Variants in SLC26A5 observed in about 807,000 individuals in gnomAD.
The protein encoded by SLC26A5 is prestin.
A neutral mutation model predicts 81.0 loss-of-function variants in SLC26A5; 51 were observed. The ratio of observed to expected loss-of-function variants is 0.63; its 90% CI spans 0.50 to 0.80. SLC26A5 has a LOEUF of 0.80. Ranked by LOEUF, SLC26A5 falls within the 30% of genes least tolerant of loss-of-function variation. SLC26A5 has a pLI of 0.00. For synonymous variants in SLC26A5, 325 were observed against 332.8 expected (o/e 0.98, Z 0.25); for missense variants, 771 against 905.8 (o/e 0.85, Z 1.91).
intron 6 of SLC26A5, 70 bp downstream of exon 6, chr7:103,411,350 C>G (rs1228687009): frequency 6.3e-7 from 1 of 1,585,806 alleles, no homozygotes; most frequent in Non-Finnish European, 8.6e-7. Context: ...TAAGACCAGC[C>G]AAGAGCACTC....
At chr7:103,380,632 T>A (rs1586216816) in intron 14 of SLC26A5, 83 bp from the exon 15 acceptor site, 1 of 1,319,882 alleles carries the variant, frequency 7.6e-7, no homozygotes, top group Non-Finnish European at 1.1e-6. Context: ...TTATGTCAGG[T>A]TGGGGTTTGC....
intron 6 of SLC26A5, 95 bp downstream of exon 6, chr7:103,411,325 C>G (rs538373790): frequency 2.9e-5 from 43 of 1,464,386 alleles, no homozygotes; most frequent in Non-Finnish European, 3.1e-5. Context: ...CTGGCTGACC[C>G]CATCCACCGT....
chr7:103,379,483 C>CCA, intron 15 of SLC26A5, 148 bp from the exon 16 acceptor site: 3 of 297,178 alleles, frequency 1.0e-5, no homozygotes, highest in South Asian at 6.2e-5. Flanking sequence ...ACACACAGAC[C>CCA]AAAAAAAAAA....
intron 19 of SLC26A5, chr7:103,364,454 G>A: frequency 1.2e-6 from 1 of 869,556 alleles, no homozygotes; most frequent in Non-Finnish European, 1.7e-6. Flanking sequence ...TGTTGCCCAG[G>A]CTGGAGTGCA....
At chr7:103,363,743 C>T (rs896679984) in intron 19 of SLC26A5, among the ~76,000 whole-genome samples, 3 of 152,068 alleles carry the variant, frequency 2.0e-5, no homozygotes, top group Admixed American at 2.0e-4. Flanking sequence ...ACTGGTTCTT[C>T]AAAAGACATC....
chr7:103,367,947 G>C lies in SLC26A5; in HGVS notation c.2041+8861C>G. ...AGAGGCTGGTATGTTTGCCATCAGA[G>C]CACGGCGAAAAATTGCTACCGAGAA... On this transcript the variant is annotated intron_variant, in intron 19 of 19. Coordinates refer to the SLC26A5 transcript ENST00000339444. The surrounding 1 kb of genome is among the most constrained non-coding windows in gnomAD (Gnocchi z 6.1). 6.2e-7 allele frequency: 1 copy of C among 1,614,028 alleles called. No homozygotes were observed. Among genetic ancestry groups the C allele is most frequent in the Non-Finnish European group, 8.5e-7 (1 of 1,179,996 alleles).
intron 2 of SLC26A5, among the ~76,000 whole-genome samples, chr7:103,428,412 C>T (rs905886598): frequency 2.0e-5 from 3 of 152,068 alleles, no homozygotes; most frequent in African/African-American, 7.2e-5. Flanking sequence ...GACTGACATA[C>T]AAAAAGCTGT....
At chr7:103,417,837 C>T (rs558988045) in intron 4 of SLC26A5, among the ~76,000 whole-genome samples, 2 of 152,324 alleles carry the variant, frequency 1.3e-5, no homozygotes, top group South Asian at 4.1e-4. Context: ...CAACCTCTGT[C>T]TCCCAGGTTC....
intron 8 of SLC26A5, among the ~76,000 whole-genome samples, chr7:103,401,985 G>A (rs571254153): frequency 5.9e-5 from 9 of 152,262 alleles, no homozygotes; most frequent in Non-Finnish European, 8.8e-5. Context: ...TTTTCGCATC[G>A]ATATTCATCA....
At chr7:103,390,154 G>T (rs554923441) in intron 12 of SLC26A5, among the ~76,000 whole-genome samples, 6 of 152,200 alleles carry the variant, frequency 3.9e-5, no homozygotes, top group Middle Eastern at 3.4e-3. Flanking sequence ...GAAGGTCAAA[G>T]AGAGAAGGGA....
chr7:103,401,780 C>T (rs111457173), intron 8 of SLC26A5, among the ~76,000 whole-genome samples: 3,571 of 152,172 alleles, frequency 0.023, 127 homozygotes, highest in African/African-American at 0.081. Flanking sequence ...TGTTGAATTT[C>T]CTTGAAGGCC....
intron 4 of SLC26A5, among the ~76,000 whole-genome samples, chr7:103,416,561 T>C (rs2270019): frequency 0.18 from 26,907 of 152,186 alleles, 2,483 homozygotes; most frequent in East Asian, 0.3. Context: ...TGCAAAGACT[T>C]TGAACCAGTT....
At chr7:103,409,094 A>C (rs1017965646) in intron 7 of SLC26A5, among the ~76,000 whole-genome samples, 4 of 152,198 alleles carry the variant, frequency 2.6e-5, no homozygotes, top group African/African-American at 7.2e-5. Flanking sequence ...CTAGACCCCT[A>C]ATCTAAAGGT....
chr7:103,436,370 C>T (rs1026514036), intron 2 of SLC26A5, among the ~76,000 whole-genome samples: 52 of 152,098 alleles, frequency 3.4e-4, no homozygotes, highest in African/African-American at 1.3e-3. Context: ...ACTGATTTAA[C>T]AAAATCAGGC....
chr7:103,369,357 G>C (rs1351814355), downstream of SLC26A5: 2 of 152,134 alleles, frequency 1.3e-5, no homozygotes, highest in Non-Finnish European at 2.9e-5. Context: ...GTATGTTTTT[G>C]AATGTTTTGA....
chr7:103,426,694 C>T (rs1000819186), intron 2 of SLC26A5, among the ~76,000 whole-genome samples: 4 of 152,084 alleles, frequency 2.6e-5, no homozygotes, highest in African/African-American at 4.8e-5. Context: ...GCTGTCCTTT[C>T]GGGGGACTTT....
chr7:103,422,249 CA>C (rs1291818907), intron 2 of SLC26A5, among the ~76,000 whole-genome samples: 1 of 152,060 alleles, frequency 6.6e-6, no homozygotes, highest in Non-Finnish European at 1.5e-5. Context: ...CATATTTGTG[CA>C]TATGGAGTTG....
chr7:103,384,918 CA>C (rs1822066504), intron 14 of SLC26A5, among the ~76,000 whole-genome samples: 1 of 152,178 alleles, frequency 6.6e-6, no homozygotes, highest in Non-Finnish European at 1.5e-5. Flanking sequence ...TAGGACAACG[CA>C]ACCTTTGAGG....
At chr7:103,359,276 G>A (rs1038637205) in intron 19 of SLC26A5, among the ~76,000 whole-genome samples, 3 of 149,544 alleles carry the variant, frequency 2.0e-5, no homozygotes, top group African/African-American at 7.4e-5. Context: ...GGGATTACAG[G>A]TGTGAGCCAC....
Sources: allele counts gnomAD v4.1 joint callset (sites outside exome capture counted in the v4.1 genomes callset), GRCh38; gene constraint gnomAD v4.1.1; non-coding constraint Gnocchi (gnomAD v3.1); transcripts MANE v1.5; gene names NCBI Gene and HGNC (gene_info 2026-07-23, HGNC 2026-07-21).